TCAF1: variants seen among roughly 807,000 people sequenced by gnomAD.
The protein encoded by TCAF1 is TRPM8 channel associated factor 1.
A neutral mutation model predicts 27.3 loss-of-function variants in TCAF1; 4 were observed. The observed-to-expected ratio is 0.15, with a 90% CI of 0.07 to 0.34. TCAF1 has a LOEUF of 0.34. TCAF1 is among the 10% of genes least tolerant of loss of function. TCAF1 has a pLI of 1.00. For synonymous variants in TCAF1, 105 were observed against 167.1 expected, an observed-to-expected ratio of 0.63 and a Z score of 2.87; for missense variants, 257 against 425.8, an observed-to-expected ratio of 0.60 and a Z score of 3.49.
chr7:143,885,749 T>TA (rs957527527), intron 1 of TCAF1, among the ~76,000 whole-genome samples: 50 of 151,890 alleles, frequency 3.3e-4, no homozygotes, highest in African/African-American at 9.9e-4. Context: ...CCATTTTGTG[T>TA]AAAAAAAACT....
At position 143,895,735 on chromosome 7, in the gene TCAF1, C is replaced by T. The variant is rs114341821; in HGVS notation, c.-15+6226G>A. Among the ~76,000 whole-genome samples the T allele has an allele frequency of 7.1e-3, 1,077 of 151,080 alleles. 13 individuals are homozygous for T. Among genetic ancestry groups the T allele is most frequent in the African/African-American group, 0.025 (1,012 of 41,246 alleles). ...AATAACAATAATCATTTGATACTTG[C>T]GGGGTAAGAGACAAGGTACTAAGGA... On this transcript the variant is annotated intron_variant, in intron 1 of 8. Transcript: ENST00000479870.
At chr7:143,892,701 A>G (rs183591775) in intron 1 of TCAF1, among the ~76,000 whole-genome samples, 5 of 152,126 alleles carry the variant, frequency 3.3e-5, no homozygotes, top group South Asian at 4.2e-4. Context: ...CTAACCCCCA[A>G]TGGAATGGTA....
intron 1 of TCAF1, among the ~76,000 whole-genome samples, chr7:143,884,119 A>T (rs1371062671): frequency 6.6e-6 from 1 of 152,206 alleles, no homozygotes; most frequent in African/African-American, 2.4e-5. Context: ...TTCTTGAATC[A>T]ATGTCTGGTA....
intron 1 of TCAF1, among the ~76,000 whole-genome samples, chr7:143,894,874 T>A (rs1014541523): frequency 6.6e-6 from 1 of 151,356 alleles, no homozygotes; most frequent in Non-Finnish European, 1.5e-5. Context: ...CTCACAAAAT[T>A]AATTAAAAAA....
At chr7:143,897,131 AATATATATATATATATATATAT>A (rs5888117) in intron 1 of TCAF1, among the ~76,000 whole-genome samples, 16,611 of 80,678 alleles carry the variant, frequency 0.21, 1,608 homozygotes, top group Middle Eastern at 0.33. Context: ...GTTAATCTTG[AATATATATATATATATATATAT>A]ATATATATAT....
chr7:143,883,565 G>A (rs1426235359), intron 1 of TCAF1, among the ~76,000 whole-genome samples: 1 of 133,404 alleles, frequency 7.5e-6, no homozygotes, highest in Non-Finnish European at 1.5e-5. Flanking sequence ...CAGTGCAATG[G>A]CGCGATCTCG....
chr7:143,901,168 CT>C (rs1274584217), intron 1 of TCAF1, among the ~76,000 whole-genome samples: 1 of 152,164 alleles, frequency 6.6e-6, no homozygotes, highest in African/African-American at 2.4e-5. Flanking sequence ...ATTTCATTTA[CT>C]TTTTATTCAA....
At chr7:143,883,020 G>A (rs1813166168) in intron 1 of TCAF1, 1 of 273,698 alleles carries the variant, frequency 3.7e-6, no homozygotes, top group Non-Finnish European at 5.6e-6. Context: ...CTGTGGCTTA[G>A]GGACGCCTGG....
intron 1 of TCAF1, among the ~76,000 whole-genome samples, chr7:143,896,160 T>A (rs1321392039): frequency 6.6e-6 from 1 of 151,764 alleles, no homozygotes; most frequent in Non-Finnish European, 1.5e-5. Flanking sequence ...TCTGAAGAGT[T>A]AGAGTCAAAC....
At position 143,882,876 on chromosome 7, in the gene TCAF1, TGGA is replaced by T. The variant is rs974470244; in HGVS notation, c.-14-6257_-14-6255del. 8 of 985,458 alleles carry T rather than the reference TGGA, an allele frequency of 8.1e-6. No homozygotes were observed. The African/African-American group carries it at 1.4e-4, about 17-fold the overall frequency. 61.0% of individuals were successfully genotyped at this position (985,458 alleles called of 1,614,324 possible). On this transcript the variant is annotated intron_variant, in intron 1 of 8. Transcript: ENST00000479870. ...TTGGGAGCGGGGAGGAGGCTGGAGC[TGGA>T]GGAGAGGAGGGGTTTCCACGGGAGT...
chr7:143,894,197 C>T (rs1813773530), intron 1 of TCAF1, among the ~76,000 whole-genome samples: 2 of 151,706 alleles, frequency 1.3e-5, no homozygotes, highest in South Asian at 4.1e-4. Flanking sequence ...TAATCCTATA[C>T]ATAAAAAAAA....
intron 1 of TCAF1, chr7:143,886,526 T>C: frequency 1.0e-6 from 1 of 985,168 alleles, no homozygotes; most frequent in Admixed American, 6.1e-5. Context: ...AGGTGCTCTG[T>C]AATGTCCACT....
intron 1 of TCAF1, chr7:143,882,702 C>T: frequency 1.0e-6 from 1 of 981,826 alleles, no homozygotes; most frequent in South Asian, 4.8e-5. Flanking sequence ...GGCCCCTTCT[C>T]CAGCCTGCCA....
chr7:143,891,932 G>A (rs10233831), intron 1 of TCAF1, among the ~76,000 whole-genome samples: 59,959 of 151,754 alleles, frequency 0.4, 12,651 homozygotes, highest in African/African-American at 0.56. Context: ...TTTCAAAAGA[G>A]TGATGAAAAT....
rs149916243 is a variant in TCAF1 at position 143,900,643 on chromosome 7, A to G, written c.-15+1318T>C. 2.1e-3 allele frequency among the ~76,000 whole-genome samples: 327 copies of G among 152,140 alleles called. 2 individuals are homozygous for G. The highest frequency in any genetic ancestry group is 7.5e-3 in the African/African-American group (313 of 41,492). On this transcript the variant is annotated intron_variant, in intron 1 of 8. Transcript: ENST00000479870. Reference sequence around the variant, plus strand: ...CCCTCCTGGATTCCTGATCACAGAAACTGTAAGATAGGAGGTAACAGGACT... The same window carrying G: ...CCCTCCTGGATTCCTGATCACAGAAGCTGTAAGATAGGAGGTAACAGGACT...
intron 1 of TCAF1, among the ~76,000 whole-genome samples, chr7:143,900,786 G>A (rs1348568813): frequency 6.6e-6 from 1 of 152,148 alleles, no homozygotes; most frequent in East Asian, 1.9e-4. Context: ...ATCAGCAGTA[G>A]AATGGATAAA....
intron 1 of TCAF1, among the ~76,000 whole-genome samples, chr7:143,889,351 C>A (rs1399515180): frequency 1.3e-5 from 2 of 152,102 alleles, no homozygotes; most frequent in Non-Finnish European, 2.9e-5. Flanking sequence ...AAATACTCAT[C>A]TAAATATCTG....
intron 1 of TCAF1, among the ~76,000 whole-genome samples, chr7:143,889,530 GA>G (rs369365892): frequency 2.0e-5 from 3 of 152,182 alleles, no homozygotes; most frequent in African/African-American, 7.2e-5. Flanking sequence ...GTGAGATCAA[GA>G]TTCTGAAGCA....
At chr7:143,892,010 CA>C (rs1813657479) in intron 1 of TCAF1, among the ~76,000 whole-genome samples, 1 of 152,026 alleles carries the variant, frequency 6.6e-6, no homozygotes, top group African/African-American at 2.4e-5. Context: ...ATTCTATACA[CA>C]AGAAAAATAT....
Sources: gnomAD v4.1 joint callset for allele counts (sites outside exome capture counted in the v4.1 genomes callset) on GRCh38, gnomAD v4.1.1 for gene constraint, MANE v1.5 for transcripts, NCBI Gene and HGNC (gene_info 2026-07-23, HGNC 2026-07-21) for gene names.